ASTN2: variants seen among roughly 807,000 people sequenced by gnomAD.
ASTN2 encodes astrotactin-2.
Under a neutral mutation model 139.8 loss-of-function variants are expected in ASTN2, and 54 were observed. The observed-to-expected ratio is 0.39, with a 90% CI of 0.31 to 0.48. The LOEUF is 0.48. ASTN2 is among the 20% of genes least tolerant of loss of function. The pLI is 0.95. For missense variants in ASTN2, 1,565 were observed against 1,725.1 expected (o/e 0.91, Z 1.64); for synonymous variants, 756 against 719.5 (o/e 1.05, Z -0.81).
intron 1 of ASTN2, among the ~76,000 whole-genome samples, chr9:117,355,561 G>C (rs1184131562): frequency 1.3e-5 from 2 of 152,162 alleles, no homozygotes; most frequent in Non-Finnish European, 2.9e-5. Flanking sequence ...CCCAGGCAAA[G>C]GCAGAAGGTG....
At chr9:116,446,660 G>A (rs1460057324) in intron 20 of ASTN2, among the ~76,000 whole-genome samples, 2 of 152,146 alleles carry the variant, frequency 1.3e-5, no homozygotes, top group Non-Finnish European at 2.9e-5. Flanking sequence ...AACGTTGGAT[G>A]AGCTATACAG....
chr9:117,227,760 C>A (rs970740160), intron 2 of ASTN2, among the ~76,000 whole-genome samples: 1 of 152,064 alleles, frequency 6.6e-6, no homozygotes, highest in Non-Finnish European at 1.5e-5. Flanking sequence ...ACTGTTGGAC[C>A]AAAGAGGAAG....
chr9:116,476,539 C>T (rs948709162), intron 20 of ASTN2, among the ~76,000 whole-genome samples: 2 of 152,266 alleles, frequency 1.3e-5, no homozygotes, highest in East Asian at 1.9e-4. Flanking sequence ...GTATTCATCA[C>T]CATGAATATG....
At chr9:116,730,483 C>T (rs1018639494) in intron 14 of ASTN2, among the ~76,000 whole-genome samples, 3 of 152,156 alleles carry the variant, frequency 2.0e-5, no homozygotes, top group African/African-American at 7.2e-5. Context: ...TAAATACATC[C>T]TCTTTGTTTA....
At chr9:116,899,091 G>T (rs1333732774) in intron 10 of ASTN2, among the ~76,000 whole-genome samples, 1 of 152,076 alleles carries the variant, frequency 6.6e-6, no homozygotes, top group Non-Finnish European at 1.5e-5. Context: ...TTCCTATAGT[G>T]CCAGTTGATA....
At chr9:116,586,895 T>C (rs532938211) in intron 19 of ASTN2, among the ~76,000 whole-genome samples, 9 of 149,814 alleles carry the variant, frequency 6.0e-5, no homozygotes, top group African/African-American at 1.7e-4. Flanking sequence ...CTTAATGAGA[T>C]CTTTATGGAC....
chr9:116,458,750 G>T (rs1191046481), intron 20 of ASTN2, among the ~76,000 whole-genome samples: 1 of 151,864 alleles, frequency 6.6e-6, no homozygotes, highest in Non-Finnish European at 1.5e-5. Context: ...ATCATTCAAA[G>T]AAATTAAAGA....
chr9:116,570,267 C>T (rs1486858420), intron 19 of ASTN2, among the ~76,000 whole-genome samples: 2 of 152,174 alleles, frequency 1.3e-5, no homozygotes, highest in African/African-American at 4.8e-5. Context: ...CCCTTCTTTC[C>T]TTATCAATAT....
chr9:116,972,384 C>T (rs1277326631), intron 10 of ASTN2, among the ~76,000 whole-genome samples: 6 of 151,920 alleles, frequency 3.9e-5, no homozygotes, highest in African/African-American at 1.2e-4. Flanking sequence ...TCTACTTTTT[C>T]GCTGATGGGT....
At position 116,479,690 on chromosome 9, in the gene ASTN2, C is replaced by T. The variant is rs186261689; in HGVS notation, c.3497+7669G>A. Among the ~76,000 whole-genome samples, 8 of 152,084 alleles carry T rather than the reference C, an allele frequency of 5.3e-5. No homozygotes were observed. In the South Asian group the frequency reaches 1.2e-3, roughly 24 times the overall value. On this transcript the variant is annotated intron_variant, in intron 20 of 22. Coordinates refer to ENST00000313400, the MANE Select transcript of ASTN2 (RefSeq NM_001365068.1). Reference sequence around the variant, plus strand: ...TGTGTGTGTAGTGCTGTGAGGACTGCGGGGAAGGGACAAAGTTTGAAATTC... The same window carrying T: ...TGTGTGTGTAGTGCTGTGAGGACTGTGGGGAAGGGACAAAGTTTGAAATTC...
chr9:116,903,581 CA>C (rs1267259871), intron 10 of ASTN2, among the ~76,000 whole-genome samples: 4 of 152,142 alleles, frequency 2.6e-5, no homozygotes, highest in Non-Finnish European at 5.9e-5. Flanking sequence ...ACTTCTATAG[CA>C]AAACTTGGAC....
chr9:116,776,681 G>A (rs1830095438), intron 13 of ASTN2, among the ~76,000 whole-genome samples: 1 of 152,128 alleles, frequency 6.6e-6, no homozygotes, highest in Non-Finnish European at 1.5e-5. Context: ...AGAGTTAATG[G>A]GTTTGTGTAG....
intron 3 of ASTN2, among the ~76,000 whole-genome samples, chr9:117,165,456 A>C (rs1830649635): frequency 6.6e-6 from 1 of 152,074 alleles, no homozygotes. Context: ...GCCCTGCCTG[A>C]CTGACCCAGA....
chr9:116,749,763 C>G (rs932221305), intron 13 of ASTN2, among the ~76,000 whole-genome samples: 4 of 152,214 alleles, frequency 2.6e-5, no homozygotes, highest in African/African-American at 9.6e-5. Context: ...AACACCATCC[C>G]GTTGGTGACA....
In ASTN2 at chr9:117,141,455, T is replaced by C. The variant is rs145294644; in HGVS notation, c.1039A>G (p.Thr347Ala). The C allele has an allele frequency of 4.2e-4, 574 of 1,367,162 alleles. 1 individual carries two copies. Among genetic ancestry groups the C allele is most frequent in the Non-Finnish European group, 5.3e-4 (546 of 1,021,782 alleles). The allele number at this position is 1,367,162 out of a possible 1,614,324, so 84.7% of individuals were successfully genotyped here. The part of the protein sequence containing the change: ...KKAAAEATQE[T>A]VESLMQKFKE... ...AACTTCTGCATCAGGGACTCCACTG[T>C]CTCCTGAGTCGCCTCAGCTGCTGCT... Residue 347 changes from threonine to alanine, a missense_variant, in exon 4 of 23, where the codon ACA becomes GCA. By Grantham distance (58) the Thr-to-Ala change is moderately conservative. Coordinates refer to ENST00000313400, the MANE Select transcript of ASTN2 (RefSeq NM_001365068.1).
intron 13 of ASTN2, among the ~76,000 whole-genome samples, chr9:116,760,637 C>T (rs2132167611): frequency 6.6e-6 from 1 of 152,120 alleles, no homozygotes. Context: ...GCTGTTGGTT[C>T]CTTTTTTTCC....
intron 5 of ASTN2, among the ~76,000 whole-genome samples, chr9:117,085,995 G>C (rs1245354377): frequency 1.3e-5 from 2 of 152,108 alleles, no homozygotes; most frequent in Non-Finnish European, 2.9e-5. Context: ...CTGTAAAATG[G>C]AGAGAAGAAT....
At chr9:116,574,740 G>A (rs918941374) in intron 19 of ASTN2, among the ~76,000 whole-genome samples, 1 of 152,202 alleles carries the variant, frequency 6.6e-6, no homozygotes, top group African/African-American at 2.4e-5. Flanking sequence ...CCCTTTGCAG[G>A]TAGCAAAGCC....
At chr9:117,387,404 A>G (rs560221256) in intron 1 of ASTN2, among the ~76,000 whole-genome samples, 2 of 152,324 alleles carry the variant, frequency 1.3e-5, no homozygotes, top group Admixed American at 1.3e-4. Context: ...GCAGGAACTT[A>G]TATATAAAAC....
Sources: allele counts gnomAD v4.1 joint callset (sites outside exome capture counted in the v4.1 genomes callset), GRCh38; gene constraint gnomAD v4.1.1; transcripts MANE v1.5; gene names NCBI Gene and HGNC (gene_info 2026-07-23, HGNC 2026-07-21).